The following LRRC9 variants were observed in gnomAD, a reference collection of about 807,000 sequenced individuals.
The protein encoded by LRRC9 is leucine-rich repeat-containing protein 9.
LRRC9 carries 122 observed loss-of-function variants against 63.2 expected under a neutral mutation model. The ratio of observed to expected loss-of-function variants is 1.93; its 90% CI spans 1.67 to 2.24. The LOEUF (loss-of-function observed/expected upper bound fraction) is 2.24. LRRC9 is among the 30% of genes most tolerant of loss of function. The pLI, the probability that LRRC9 is intolerant of heterozygous loss-of-function variation, is 0.00. For missense variants in LRRC9, 1,071 were observed against 627.7 expected (o/e 1.71, Z -7.55); for synonymous variants, 366 against 213.1 (o/e 1.72, Z -6.25).
At position 60,008,165 on chromosome 14, in the gene LRRC9, T is replaced by C. The variant is rs1316584527; in HGVS notation, c.3137T>C (p.Phe1046Ser). 4.3e-6 allele frequency: 3 copies of C among 701,854 alleles called. No individual in the cohort carries two copies. In the Admixed American group the frequency reaches 6.0e-5, roughly 14 times the overall value. 43.5% of individuals were successfully genotyped at this position (701,854 alleles called of 1,614,324 possible). The change falls in exon 23 of 32, where the codon TTT (phenylalanine) becomes TCT (serine). Residue 1046 changes from phenylalanine to serine, a missense_variant. Transcript: ENST00000445360. ...TGGAATCAAGAAAACTACCGGTTGT[T>C]TGTAATATTTCATCTTCCAGAACTG... is the stretch of plus-strand genomic sequence containing the variant.
chr14:60,062,881 C>T (rs1313131007), intron 31 of LRRC9, among the ~76,000 whole-genome samples: 1 of 141,888 alleles, frequency 7.0e-6, no homozygotes, highest in Non-Finnish European at 1.5e-5. Context: ...CCATGTCCCA[C>T]TGAGTCCACA....
intron 13 of LRRC9, among the ~76,000 whole-genome samples, chr14:59,975,964 T>C (rs1310640086): frequency 6.6e-6 from 1 of 152,148 alleles, no homozygotes; most frequent in Non-Finnish European, 1.5e-5. Flanking sequence ...TTGCAGCCAC[T>C]CCCCATCATT....
intron 20 of LRRC9, among the ~76,000 whole-genome samples, chr14:60,002,619 CATT>C (rs1889478067): frequency 6.6e-6 from 1 of 152,166 alleles, no homozygotes; most frequent in South Asian, 2.1e-4. Context: ...ATAAGAAAGA[CATT>C]GTTATTATTA....
chr14:59,980,243 A>G (rs1340035594), intron 15 of LRRC9, among the ~76,000 whole-genome samples: 1 of 152,132 alleles, frequency 6.6e-6, no homozygotes, highest in Non-Finnish European at 1.5e-5. Context: ...ATACTTAGGC[A>G]TTATCTTTTC....
At chr14:60,020,697 T>G (rs1431897861) in intron 26 of LRRC9, among the ~76,000 whole-genome samples, 1 of 151,946 alleles carries the variant, frequency 6.6e-6, no homozygotes, top group African/African-American at 2.4e-5. Context: ...TTTCTAGACA[T>G]TGCATATAAA....
chr14:60,009,055 A>G (rs756615734), intron 23 of LRRC9, among the ~76,000 whole-genome samples: 4 of 152,220 alleles, frequency 2.6e-5, no homozygotes, highest in Admixed American at 6.5e-5. Context: ...TAGTCCTATG[A>G]GACCAGTACT....
chr14:59,952,780 G>A (rs887485086), intron 8 of LRRC9, among the ~76,000 whole-genome samples: 1 of 152,024 alleles, frequency 6.6e-6, no homozygotes, highest in Non-Finnish European at 1.5e-5. Flanking sequence ...CATGCATTAG[G>A]TATTTGTCCT....
chr14:59,923,772 C>G lies in LRRC9; in HGVS notation c.-34+3889C>G, dbSNP rs1271857624. The stretch of plus-strand genomic sequence containing the variant: ...TGGCTAACACGGTGAAACCCCGTCT[C>G]TACTAAAAATACAAAAAAATTAGCC... On this transcript the variant is annotated intron_variant, in intron 1 of 31. Coordinates refer to ENST00000445360, the Ensembl canonical transcript of LRRC9. The surrounding 1 kb of genome is among the most constrained non-coding windows in gnomAD (Gnocchi z 4.2). Among the ~76,000 whole-genome samples, 1 of 152,178 alleles carries G rather than the reference C, an allele frequency of 6.6e-6. No homozygotes were observed. The highest frequency in any genetic ancestry group is 2.4e-5 in the African/African-American group (1 of 41,444).
At chr14:60,022,144 T>C (rs1891164979) in intron 26 of LRRC9, among the ~76,000 whole-genome samples, 1 of 151,832 alleles carries the variant, frequency 6.6e-6, no homozygotes, top group African/African-American at 2.4e-5. Flanking sequence ...TTTCTCTATT[T>C]ATTTAGATCT....
intron 16 of LRRC9, 88 bp downstream of exon 16, chr14:59,982,148 G>C (rs1886999960): frequency 1.6e-6 from 1 of 623,102 alleles, no homozygotes; most frequent in Admixed American, 2.8e-5. Context: ...ATACTAAACT[G>C]CCTGTCTGAT....
At chr14:60,006,696 G>C (rs2140229449) in intron 22 of LRRC9, 79 bp downstream of exon 22, 2 of 524,978 alleles carry the variant, frequency 3.8e-6, no homozygotes, top group East Asian at 6.2e-5. Flanking sequence ...CATGTTTATT[G>C]CACAGAATTT....
intron 29 of LRRC9, among the ~76,000 whole-genome samples, chr14:60,038,521 T>G (rs1892652309): frequency 1.3e-5 from 2 of 152,206 alleles, no homozygotes; most frequent in African/African-American, 2.4e-5. Context: ...TTATTTTCTC[T>G]GAAGCAATTG....
Position 59,927,991 on chromosome 14 carries a change from G to A in LRRC9, c.48G>A (p.Leu16=). ...ACCAAGAAGAAATAATTAAAGAACT[G>A]GTGAGTCAAAGTCAAATTTCTTTTA... is the stretch of plus-strand genomic sequence containing the variant. Residue 16 remains leucine (L), a splice_region_variant and synonymous_variant, in exon 2 of 32, where the codon CTG becomes CTA. Transcript: ENST00000445360. This position sits in a 1 kb window ranked among gnomAD's most constrained non-coding sequence, Gnocchi z 4.4. 1.5e-6 allele frequency: 1 copy of A among 681,184 alleles called. No individual in the cohort carries two copies. Among genetic ancestry groups the A allele is most frequent in the South Asian group, 1.6e-5 (1 of 62,286 alleles). 42.2% of individuals were successfully genotyped at this position (681,184 alleles called of 1,614,324 possible).
rs1594811192 is a variant in LRRC9 at position 59,932,703 on chromosome 14, A to G, written c.543+664A>G. Among the ~76,000 whole-genome samples the G allele has an allele frequency of 6.6e-6, 1 of 152,194 alleles. No homozygotes were observed. The highest frequency in any genetic ancestry group is 2.4e-5 in the African/African-American group (1 of 41,534). ...TATGTCCAGAGTCTGATCACTTCTT[A>G]CCATCTGCATCACTACCAAGCTGAT... On this transcript the variant is annotated intron_variant, in intron 6 of 31. Transcript: ENST00000445360. The surrounding 1 kb of genome is among the most constrained non-coding windows in gnomAD (Gnocchi z 4.7).
chr14:59,938,732 A>G lies in LRRC9; in HGVS notation c.726+160A>G, dbSNP rs564390616. 2.1e-4 allele frequency among the ~76,000 whole-genome samples: 32 copies of G among 151,920 alleles called. No individual in the cohort carries two copies. The highest frequency in any genetic ancestry group is 7.7e-4 in the African/African-American group (32 of 41,498). On this transcript the variant is annotated intron_variant, in intron 7 of 31. Coordinates refer to ENST00000445360, the Ensembl canonical transcript of LRRC9. This position sits in a 1 kb window ranked among gnomAD's most constrained non-coding sequence, Gnocchi z 4.2. ...CTGGATATTACACATAAAAGTATAT[A>G]AATAATAATATTAATACTAGAATCT...
intron 30 of LRRC9, among the ~76,000 whole-genome samples, chr14:60,055,228 C>G (rs1247925907): frequency 6.6e-6 from 1 of 152,176 alleles, no homozygotes; most frequent in Non-Finnish European, 1.5e-5. Context: ...CATTCATGGA[C>G]TATATCTACA....
At chr14:59,928,057 TC>T in intron 2 of LRRC9, 66 bp downstream of exon 2, 1 of 654,330 alleles carries the variant, frequency 1.5e-6, no homozygotes, top group Admixed American at 2.5e-5. Context: ...GTTTTTATGC[TC>T]CTTTCTAGAG....
At chr14:60,006,476 T>C (rs1195200099) in exon 22 of LRRC9, 1 of 702,154 alleles carries the variant, frequency 1.4e-6, no homozygotes, top group South Asian at 1.5e-5. Context: ...ATACCTTTGA[T>C]AACATGCTTC....
At chr14:60,032,313 T>C (rs562460958) in intron 29 of LRRC9, among the ~76,000 whole-genome samples, 7 of 152,058 alleles carry the variant, frequency 4.6e-5, no homozygotes, top group Non-Finnish European at 1.0e-4. Flanking sequence ...GTGCCAATAT[T>C]ATATAGTGTT....
Sources: allele counts gnomAD v4.1 joint callset (sites outside exome capture counted in the v4.1 genomes callset), GRCh38; gene constraint gnomAD v4.1.1; non-coding constraint Gnocchi (gnomAD v3.1); transcripts MANE v1.5; gene names NCBI Gene and HGNC (gene_info 2026-07-23, HGNC 2026-07-21).